Variants in GPC6 observed in about 807,000 individuals in gnomAD.
The protein encoded by GPC6 is glypican-6.
Under a neutral mutation model 55.2 loss-of-function variants are expected in GPC6, and 14 were observed. That is an observed-to-expected ratio of 0.25 (90% CI 0.17 to 0.40). GPC6 has a LOEUF of 0.40. Among genes scored for constraint, GPC6 ranks in the 10% least tolerant of loss-of-function variants. The pLI, the probability that GPC6 is intolerant of heterozygous loss-of-function variation, is 1.00. For missense variants in GPC6, 641 were observed against 708.5 expected, an observed-to-expected ratio of 0.90 and a Z score of 1.08; for synonymous variants, 278 against 259.6, an observed-to-expected ratio of 1.07 and a Z score of -0.68.
intron 4 of GPC6, among the ~76,000 whole-genome samples, chr13:94,110,559 AG>A (rs1431769734): frequency 6.6e-6 from 1 of 152,036 alleles, no homozygotes; most frequent in Admixed American, 6.6e-5. Context: ...AGAATGGAGG[AG>A]GGGTTAGAAA....
chr13:93,756,726 T>G (rs1328760524), intron 2 of GPC6, among the ~76,000 whole-genome samples: 1 of 152,116 alleles, frequency 6.6e-6, no homozygotes, highest in Non-Finnish European at 1.5e-5. Flanking sequence ...AAGAAATGAA[T>G]CACTTTTCTT....
Position 94,115,493 on chromosome 13 carries a change from G to A in GPC6, c.877+87599G>A, listed in dbSNP as rs141892452. Among the ~76,000 whole-genome samples the A allele has an allele frequency of 2.4e-3, 368 of 152,206 alleles. 2 individuals are homozygous for A. The highest frequency in any genetic ancestry group is 8.6e-3 in the African/African-American group (356 of 41,540). On this transcript the variant is annotated intron_variant, in intron 4 of 8. Transcript: ENST00000377047. ...CATTCAACCTGATTTCTCTGCCTCTGGGCTAGTCTTTCATTTTACGTAGTC... is the reference window on the plus strand; with the variant it reads ...CATTCAACCTGATTTCTCTGCCTCTAGGCTAGTCTTTCATTTTACGTAGTC...
intron 2 of GPC6, among the ~76,000 whole-genome samples, chr13:93,625,085 C>T (rs1378402634): frequency 6.6e-6 from 1 of 152,088 alleles, no homozygotes; most frequent in African/African-American, 2.4e-5. Flanking sequence ...TGAAGTAAAA[C>T]ACATTGGTTG....
At chr13:94,207,009 G>A (rs1581826) in intron 4 of GPC6, among the ~76,000 whole-genome samples, 56,534 of 151,878 alleles carry the variant, frequency 0.37, 11,710 homozygotes, top group African/African-American at 0.54. Flanking sequence ...TCATGACCAA[G>A]TAACAGATGA....
intron 1 of GPC6, among the ~76,000 whole-genome samples, chr13:93,466,087 G>A (rs1878893313): frequency 1.3e-5 from 2 of 152,038 alleles, no homozygotes; most frequent in African/African-American, 4.8e-5. Context: ...ACAGTAATAA[G>A]GAAAAGTTTG....
chr13:93,570,953 G>T (rs138715326), intron 2 of GPC6, among the ~76,000 whole-genome samples: 338 of 152,016 alleles, frequency 2.2e-3, no homozygotes, highest in Middle Eastern at 0.01. Flanking sequence ...TTGGTTTGAC[G>T]AGAGTCCTGA....
At chr13:93,434,091 T>C (rs573664272) in intron 1 of GPC6, among the ~76,000 whole-genome samples, 44 of 152,338 alleles carry the variant, frequency 2.9e-4, no homozygotes, top group South Asian at 1.0e-3. Flanking sequence ...CTGCTTGATA[T>C]TGCTCTCTGG....
At chr13:93,611,599 G>T (rs1878463194) in intron 2 of GPC6, among the ~76,000 whole-genome samples, 1 of 152,002 alleles carries the variant, frequency 6.6e-6, no homozygotes, top group African/African-American at 2.4e-5. Context: ...GATAAACCTG[G>T]ATAGATCCAT....
intron 1 of GPC6, among the ~76,000 whole-genome samples, chr13:93,293,748 G>A (rs1054063249): frequency 5.3e-5 from 8 of 152,114 alleles, no homozygotes; most frequent in African/African-American, 1.2e-4. Flanking sequence ...TTTTGCCCAT[G>A]TCTCTTGTAA....
chr13:93,580,058 A>T lies in GPC6; in HGVS notation c.319+34637A>T, dbSNP rs76853142. Reference sequence around the variant, plus strand: ...AGGCTGCTATAACAAAGTACCATAGACTGGGTGGTCTGTAAACAACAGTCA... The same window carrying T: ...AGGCTGCTATAACAAAGTACCATAGTCTGGGTGGTCTGTAAACAACAGTCA... On this transcript the variant is annotated intron_variant, in intron 2 of 8. Transcript: ENST00000377047. Among the ~76,000 whole-genome samples the T allele has an allele frequency of 8.4e-3, 1,276 of 152,280 alleles. 19 individuals are homozygous for T. Among genetic ancestry groups the T allele is most frequent in the African/African-American group, 0.029 (1,199 of 41,548 alleles).
chr13:93,517,074 G>A (rs1482962503), intron 1 of GPC6, among the ~76,000 whole-genome samples: 4 of 35,502 alleles, frequency 1.1e-4, no homozygotes, highest in African/African-American at 2.2e-4. Flanking sequence ...ATTTTTAGAT[G>A]CATTCATAGA....
intron 6 of GPC6, among the ~76,000 whole-genome samples, chr13:94,378,309 A>C (rs921240283): frequency 6.6e-6 from 1 of 152,126 alleles, no homozygotes; most frequent in African/African-American, 2.4e-5. Context: ...TGATTTTTTT[A>C]AGTCAGAAAC....
At chr13:93,493,590 T>C (rs1480736502) in intron 1 of GPC6, among the ~76,000 whole-genome samples, 27 of 136,566 alleles carry the variant, frequency 2.0e-4, no homozygotes, top group African/African-American at 7.1e-4. Context: ...GCTCTTGCTC[T>C]TCTAGTTCTT....
At chr13:93,282,573 T>C (rs1355749685) in intron 1 of GPC6, among the ~76,000 whole-genome samples, 1 of 151,804 alleles carries the variant, frequency 6.6e-6, no homozygotes, top group Non-Finnish European at 1.5e-5. Context: ...TCTCCTTAAA[T>C]ATAAGAAGAA....
intron 1 of GPC6, among the ~76,000 whole-genome samples, chr13:93,484,070 A>G (rs1028234197): frequency 6.6e-6 from 1 of 152,168 alleles, no homozygotes; most frequent in African/African-American, 2.4e-5. Flanking sequence ...TTTGTACAAA[A>G]AAAGTATTAA....
At chr13:93,312,353 C>T (rs2139110178) in intron 1 of GPC6, among the ~76,000 whole-genome samples, 1 of 152,246 alleles carries the variant, frequency 6.6e-6, no homozygotes, top group South Asian at 2.1e-4. Flanking sequence ...ATTCCCAAGT[C>T]AACTTTCTTC....
chr13:93,425,023 C>T (rs777811529), intron 1 of GPC6, among the ~76,000 whole-genome samples: 2 of 152,134 alleles, frequency 1.3e-5, no homozygotes, highest in Non-Finnish European at 2.9e-5. Context: ...ATACCTGTCA[C>T]TTTCAGGGCT....
intron 3 of GPC6, among the ~76,000 whole-genome samples, chr13:93,967,722 T>C (rs1310987157): frequency 6.6e-6 from 1 of 152,242 alleles, no homozygotes; most frequent in South Asian, 2.1e-4. Flanking sequence ...AGGAAAATTC[T>C]AGAGAAATCA....
chr13:93,985,674 A>G lies in GPC6; in HGVS notation c.712-42055A>G, dbSNP rs1321666354. ...GCCACTGCACTCCATCCTAGGTGACAAAGCAAGACCTGGCCAAAAAAAAAA... is the reference window on the plus strand; with the variant it reads ...GCCACTGCACTCCATCCTAGGTGACGAAGCAAGACCTGGCCAAAAAAAAAA... On this transcript the variant is annotated intron_variant, in intron 3 of 8. Coordinates refer to ENST00000377047, the MANE Select transcript of GPC6 (RefSeq NM_005708.5). Among the ~76,000 whole-genome samples the G allele has an allele frequency of 2.1e-5, 3 of 142,578 alleles. No homozygotes were observed. In the East Asian group the frequency reaches 6.2e-4, roughly 30 times the overall value. The allele number at this position is 142,578 out of a possible 152,430, so 93.5% of individuals were successfully genotyped here.
Sources: allele counts gnomAD v4.1 joint callset (sites outside exome capture counted in the v4.1 genomes callset), GRCh38; gene constraint gnomAD v4.1.1; transcripts MANE v1.5; gene names NCBI Gene and HGNC (gene_info 2026-07-23, HGNC 2026-07-21).